The following KDM2B variants were observed in gnomAD, a reference collection of about 807,000 sequenced individuals.
KDM2B encodes the protein lysine demethylase 2B.
KDM2B carries 26 observed loss-of-function variants against 150.0 expected under a neutral mutation model. The observed-to-expected ratio is 0.17, with a 90% confidence interval of 0.13 to 0.24. The LOEUF is 0.24. KDM2B is among the 10% of genes least tolerant of loss of function. The pLI is 1.00. For synonymous variants in KDM2B, 734 were observed against 729.5 expected, an observed-to-expected ratio of 1.01 and a Z score of -0.10; for missense variants, 1,265 against 1,816.9, an observed-to-expected ratio of 0.70 and a Z score of 5.52.
intron 1 of KDM2B, chr12:121,580,516 G>T: frequency 7.9e-7 from 1 of 1,267,646 alleles, no homozygotes; most frequent in Non-Finnish European, 1.0e-6. Flanking sequence ...TGTGTGCAGA[G>T]CTGACTTTTG....
chr12:121,501,931 T>A (rs1884602492), intron 11 of KDM2B, among the ~76,000 whole-genome samples: 1 of 152,090 alleles, frequency 6.6e-6, no homozygotes, highest in Non-Finnish European at 1.5e-5. Context: ...GAGAGTGTGA[T>A]GATTTTAAAA....
intron 13 of KDM2B, among the ~76,000 whole-genome samples, chr12:121,450,686 C>T (rs146631512): frequency 0.029 from 4,445 of 152,084 alleles, 224 homozygotes; most frequent in African/African-American, 0.1. Flanking sequence ...GGTGAAACCC[C>T]GTCTCTACTA....
At chr12:121,562,684 G>A (rs879954681) in intron 4 of KDM2B, among the ~76,000 whole-genome samples, 14 of 149,740 alleles carry the variant, frequency 9.3e-5, no homozygotes, top group Non-Finnish European at 1.8e-4. Flanking sequence ...GGAAGAGAAA[G>A]AGGAGGAGGA....
At chr12:121,544,499 G>A (rs369440706) in intron 6 of KDM2B, among the ~76,000 whole-genome samples, 3 of 151,594 alleles carry the variant, frequency 2.0e-5, no homozygotes, top group Non-Finnish European at 2.9e-5. Context: ...AGTCCCAGCT[G>A]CTCGGGAGGC....
intron 12 of KDM2B, among the ~76,000 whole-genome samples, chr12:121,480,307 A>G (rs949161738): frequency 6.6e-6 from 1 of 151,760 alleles, no homozygotes; most frequent in Admixed American, 6.6e-5. Context: ...AATTTACAGA[A>G]GTTGCAAGAA....
At chr12:121,551,910 A>G (rs1889533786) in intron 4 of KDM2B, among the ~76,000 whole-genome samples, 1 of 152,168 alleles carries the variant, frequency 6.6e-6, no homozygotes, top group Non-Finnish European at 1.5e-5. Context: ...CAAAAAGGAA[A>G]CAAAAAAAGA....
intron 11 of KDM2B, among the ~76,000 whole-genome samples, chr12:121,508,096 G>GT (rs561899453): frequency 5.3e-5 from 8 of 151,892 alleles, no homozygotes; most frequent in South Asian, 4.2e-4. Flanking sequence ...GTTGTTTTGG[G>GT]TTTTTTTTCA....
intron 14 of KDM2B, 196 bp downstream of exon 14, chr12:121,445,079 T>A (rs1285628027): frequency 1.7e-6 from 1 of 600,370 alleles, no homozygotes; most frequent in East Asian, 2.9e-5. Context: ...TGTTTATTCC[T>A]TTGATGACAC....
chr12:121,562,826 A>G (rs989154573), intron 4 of KDM2B, among the ~76,000 whole-genome samples: 25 of 152,140 alleles, frequency 1.6e-4, no homozygotes, highest in Non-Finnish European at 3.4e-4. Flanking sequence ...CCCACCTGGA[A>G]AAGTGAATGC....
chr12:121,460,688 G>A (rs1878987824), intron 12 of KDM2B, among the ~76,000 whole-genome samples: 1 of 152,200 alleles, frequency 6.6e-6, no homozygotes, highest in Non-Finnish European at 1.5e-5. Flanking sequence ...GATTACAGGT[G>A]TGAGCCATCG....
intron 12 of KDM2B, among the ~76,000 whole-genome samples, chr12:121,475,302 T>C (rs1555296559): frequency 6.6e-6 from 1 of 150,996 alleles, no homozygotes; most frequent in Non-Finnish European, 1.5e-5. Context: ...ATACCAAAAC[T>C]TGGAGGCCAG....
chr12:121,518,181 C>A lies in KDM2B; in HGVS notation c.1047+2804G>T, dbSNP rs2141121443. ...GTGCTGGGATTACAGGCGTGAGTCA[C>A]CATGCCCAGCCTATAAAACAGTATT... On this transcript the variant is annotated intron_variant, in intron 9 of 22. Transcript: ENST00000377071. The surrounding 1 kb of genome is among the most constrained non-coding windows in gnomAD (Gnocchi z 4.4). 6.6e-6 allele frequency among the ~76,000 whole-genome samples: 1 copy of A among 152,336 alleles called. No individual in the cohort carries two copies. Among genetic ancestry groups the A allele is most frequent in the South Asian group, 2.1e-4 (1 of 4,826 alleles).
intron 12 of KDM2B, among the ~76,000 whole-genome samples, chr12:121,460,581 CT>C (rs1434946007): frequency 6.6e-6 from 1 of 151,878 alleles, no homozygotes. Flanking sequence ...TTTTCTTTTT[CT>C]TTTTTTTGAG....
At chr12:121,536,902 C>A (rs1555308835) in intron 6 of KDM2B, among the ~76,000 whole-genome samples, 1 of 152,188 alleles carries the variant, frequency 6.6e-6, no homozygotes, top group South Asian at 2.1e-4. Context: ...ATCCTGCCAT[C>A]CTCCAGCTCC....
In KDM2B at chr12:121,453,263, C is replaced by G; in HGVS notation, c.1816G>C (p.Ala606Pro). 1 of 1,607,424 alleles carries G rather than the reference C, an allele frequency of 6.2e-7. No individual in the cohort carries two copies. The highest frequency in any genetic ancestry group is 8.5e-7 in the Non-Finnish European group (1 of 1,177,716). The change falls in exon 13 of 23, where the codon GCT (alanine) becomes CCT (proline). Residue 606 changes from alanine (A) to proline (P), a missense_variant. Physicochemically the swap from Ala to Pro is conservative, Grantham distance 27. Transcript: ENST00000377071. This position sits in a 1 kb window ranked among gnomAD's most constrained non-coding sequence, Gnocchi z 6.4. ...KLAANRTTAGARRRRTRCRKC... is the reference protein window; with the variant it reads ...KLAANRTTAGPRRRRTRCRKC... ...CGGCATCGCGTCCGGCGCCGCCGAG[C>G]TCCTGCCGTTGTCCGGTTGGCGGCC...
intron 11 of KDM2B, among the ~76,000 whole-genome samples, chr12:121,504,143 C>T (rs531539454): frequency 1.3e-5 from 2 of 152,312 alleles, no homozygotes; most frequent in Admixed American, 1.3e-4. Flanking sequence ...TAGCCTCCAC[C>T]TCCTGGGCTC....
intron 12 of KDM2B, among the ~76,000 whole-genome samples, chr12:121,460,083 A>C (rs1257275726): frequency 2.6e-5 from 4 of 152,220 alleles, no homozygotes; most frequent in African/African-American, 9.6e-5. Flanking sequence ...TAACATCACT[A>C]ACTAATAAAG....
At chr12:121,441,049 G>A (rs1874937030) in intron 20 of KDM2B, 21 bp downstream of exon 20, 1 of 1,613,654 alleles carries the variant, frequency 6.2e-7, no homozygotes, top group Admixed American at 1.7e-5. Flanking sequence ...ACACACTCGG[G>A]GCCACTGGCC....
At position 121,430,486 on chromosome 12, in the gene KDM2B, G is replaced by A. The variant is rs782784644; in HGVS notation, c.3830-17C>T. The stretch of plus-strand genomic sequence containing the variant: ...TATTGCAGTCTGCAGAGAAGAAATA[G>A]TAATGTGAGGTGTGAAGGCCAGGAG... On this transcript the variant is annotated splice_polypyrimidine_tract_variant and intron_variant, in intron 22 of 22. Coordinates refer to ENST00000377071, the MANE Select transcript of KDM2B (RefSeq NM_032590.5). This position sits in a 1 kb window ranked among gnomAD's most constrained non-coding sequence, Gnocchi z 4.4. 4 of 1,599,184 alleles carry A rather than the reference G, an allele frequency of 2.5e-6. No homozygotes were observed. The highest frequency in any genetic ancestry group is 3.4e-6 in the Non-Finnish European group (4 of 1,166,560).
Sources: gnomAD v4.1 joint callset for allele counts (sites outside exome capture counted in the v4.1 genomes callset) on GRCh38, gnomAD v4.1.1 for gene constraint, Gnocchi (gnomAD v3.1) non-coding constraint, MANE v1.5 for transcripts, NCBI Gene and HGNC (gene_info 2026-07-23, HGNC 2026-07-21) for gene names.